The following DNAJC10 variants were observed in gnomAD, a reference collection of about 807,000 sequenced individuals.
The protein encoded by DNAJC10 is DnaJ heat shock protein family (Hsp40) member C10, also known as endoplasmic reticulum disulfide reductase DNAJC10.
A neutral mutation model predicts 115.0 loss-of-function variants in DNAJC10; 101 were observed. The observed-to-expected ratio is 0.88, with a 90% confidence interval of 0.75 to 1.04. DNAJC10 has a LOEUF of 1.04. DNAJC10 is among the 50% of genes least tolerant of loss of function. DNAJC10 has a pLI of 0.00. For synonymous variants in DNAJC10, 307 were observed against 301.5 expected (o/e 1.02, Z -0.19); for missense variants, 981 against 928.8 (o/e 1.06, Z -0.73).
chr2:182,758,575 A>G (rs1259873601), intron 19 of DNAJC10, among the ~76,000 whole-genome samples: 1 of 152,118 alleles, frequency 6.6e-6, no homozygotes, highest in Non-Finnish European at 1.5e-5. Flanking sequence ...TGAGTTTCGC[A>G]ATTCCCATAG....
At chr2:182,744,099 T>A (rs1178566049) in intron 14 of DNAJC10, among the ~76,000 whole-genome samples, 3 of 152,232 alleles carry the variant, frequency 2.0e-5, no homozygotes, top group African/African-American at 7.2e-5. Flanking sequence ...CTTCCAGACT[T>A]CTTCATTAAC....
intron 10 of DNAJC10, chr2:182,732,748 G>T: frequency 3.6e-6 from 2 of 555,438 alleles, no homozygotes; most frequent in Non-Finnish European, 6.3e-6. Flanking sequence ...TCAATTCTAA[G>T]TGTCATTTAC....
At position 182,767,219 on chromosome 2, in the gene DNAJC10, C is replaced by T. The variant is rs543749051; in HGVS notation, c.2265+4418C>T. ...CAGAGCGTACCGGTGCCCAGGTGGC[C>T]AAAATAGTAGCGTTAATAAAATGAC... On this transcript the variant is annotated intron_variant, in intron 22 of 23. Coordinates refer to ENST00000264065, the MANE Select transcript of DNAJC10 (RefSeq NM_018981.4). Among the ~76,000 whole-genome samples, 4 of 152,152 alleles carry T rather than the reference C, an allele frequency of 2.6e-5. No individual in the cohort carries two copies. In the South Asian group the frequency reaches 8.3e-4, roughly 32 times the overall value.
rs1043484364 is a variant in DNAJC10 at position 182,731,043 on chromosome 2, C to G, written c.741C>G (p.Asn247Lys). The G allele has an allele frequency of 1.9e-6, 3 of 1,612,276 alleles. No individual in the cohort carries two copies. The Admixed American group carries it at 5.0e-5, about 27-fold the overall frequency. ...VTELWTGNFV[N>K]SIQTAFAAGI... ...TTTATTTTTAAGGAAATTTTGTCAA[C>G]TCCATACAAACTGCTTTTGCTGCTG... Residue 247 changes from asparagine to lysine, a missense_variant, in exon 9 of 24, where the codon AAC becomes AAG. By Grantham distance (94) the Asn-to-Lys change is moderately conservative (BLOSUM62 0). Transcript: ENST00000264065.
chr2:182,758,697 C>A, intron 19 of DNAJC10, 140 bp from the exon 20 acceptor site: 1 of 636,146 alleles, frequency 1.6e-6, no homozygotes, highest in Non-Finnish European at 2.8e-6. Flanking sequence ...GAATTTGTAG[C>A]TAGGTATATT....
At position 182,793,083 on chromosome 2, in the gene DNAJC10, T is replaced by C. The variant is rs564291643; in HGVS notation, c.*15951T>C. 2 of 152,352 alleles carry C rather than the reference T, an allele frequency of 1.3e-5. No homozygotes were observed. The highest frequency in any genetic ancestry group is 2.1e-4 in the South Asian group (1 of 4,806). 9.4% of individuals were successfully genotyped at this position (152,352 alleles called of 1,614,324 possible). A position where few individuals can be genotyped will look rare whatever the true frequency, so the allele number is the denominator to read the frequency against. ...GGCAGGTCTCTTGGAGAAGATGCCATTGAAGGAGGTGGAAAAAATGTAGCC... is the reference window on the plus strand; with the variant it reads ...GGCAGGTCTCTTGGAGAAGATGCCACTGAAGGAGGTGGAAAAAATGTAGCC... On this transcript the variant is annotated 3_prime_UTR_variant, in exon 24 of 24. Transcript: ENST00000264065.
intron 9 of DNAJC10, among the ~76,000 whole-genome samples, chr2:182,732,213 T>G (rs968306368): frequency 4.6e-5 from 7 of 152,034 alleles, no homozygotes; most frequent in African/African-American, 1.7e-4. Flanking sequence ...GAGGAGAGAT[T>G]GAGAGTATTA....
At chr2:182,752,655 C>T (rs930574283) in intron 16 of DNAJC10, 6 of 674,888 alleles carry the variant, frequency 8.9e-6, no homozygotes, top group Non-Finnish European at 1.1e-5. Context: ...GCAGGAAGAA[C>T]TAAAAATTAT....
Position 182,718,188 on chromosome 2 carries a change from G to A in DNAJC10, c.102G>A (p.Gln34=), listed in dbSNP as rs751274336. The change falls in exon 3 of 24, where the codon CAG becomes CAA. Residue 34 remains glutamine (Q), a synonymous_variant. Coordinates refer to ENST00000264065, the MANE Select transcript of DNAJC10 (RefSeq NM_018981.4). ...VYMAILVGTD[Q]DFYSLLGVSK... ...TGGCCATTTTAGTGGGCACAGATCA[G>A]GATTTTTACAGTTTACTTGGAGTGT... The A allele has an allele frequency of 6.2e-7, 1 of 1,613,562 alleles. No homozygotes were observed. Among genetic ancestry groups the A allele is most frequent in the Non-Finnish European group, 8.5e-7 (1 of 1,179,824 alleles).
chr2:182,751,823 G>T lies in DNAJC10; in HGVS notation c.1434+38G>T, dbSNP rs148573768. The T allele has an allele frequency of 1.3e-5, 21 of 1,598,118 alleles. No individual in the cohort carries two copies. The East Asian group carries it at 3.8e-4, about 29-fold the overall frequency. On this transcript the variant is annotated intron_variant, in intron 15 of 23. Transcript: ENST00000264065. ...TATCTGTCAGATTCTAACATTGTCAGATCTTCTCCTGTTATGGCAAAAAGA... is the reference window on the plus strand; with the variant it reads ...TATCTGTCAGATTCTAACATTGTCATATCTTCTCCTGTTATGGCAAAAAGA...
chr2:182,738,315 A>T (rs1265605930), intron 11 of DNAJC10, among the ~76,000 whole-genome samples: 1 of 152,150 alleles, frequency 6.6e-6, no homozygotes, highest in East Asian at 1.9e-4. Context: ...CCTCCGGAAA[A>T]GTTGTACTAG....
intron 17 of DNAJC10, 72 bp downstream of exon 17, chr2:182,755,176 ATTGT>A (rs1694126514): frequency 1.1e-6 from 1 of 910,030 alleles, no homozygotes. Flanking sequence ...AATGTTTCAT[ATTGT>A]TTAATAGGAT....
At chr2:182,724,221 T>C (rs567472828) in intron 5 of DNAJC10, among the ~76,000 whole-genome samples, 153 of 152,324 alleles carry the variant, frequency 1.0e-3, no homozygotes, top group African/African-American at 3.4e-3. Context: ...TTTGAAAAGA[T>C]TGACTTTTTT....
At chr2:182,767,976 T>C (rs1239950790) in intron 22 of DNAJC10, among the ~76,000 whole-genome samples, 2 of 152,140 alleles carry the variant, frequency 1.3e-5, no homozygotes, top group African/African-American at 4.8e-5. Context: ...TCAAATGCCA[T>C]GTACATACGT....
intron 10 of DNAJC10, among the ~76,000 whole-genome samples, chr2:182,735,067 A>G (rs528002908): frequency 2.4e-4 from 37 of 151,288 alleles, no homozygotes; most frequent in African/African-American, 8.5e-4. Context: ...CCATCTTGTT[A>G]GTTTTATATT....
chr2:182,731,104 G>T lies in DNAJC10; in HGVS notation c.802G>T (p.Gly268Ter). Reference protein sequence around the residue: ...GWLITFCSKGGDCLTSQTRLR... With the variant: ...GWLITFCSKG ...GCTGATCACTTTTTGTTCAAAAGGA[G>T]GAGGTAATACTATTTTTTAATTTTG... Residue 268 changes from glycine (G) to a stop codon, truncating the protein, a stop_gained, in exon 9 of 24, where the codon GGA becomes TGA. Coordinates refer to ENST00000264065, the MANE Select transcript of DNAJC10 (RefSeq NM_018981.4). LOFTEE classifies it high-confidence loss of function. 2 of 1,610,784 alleles carry T rather than the reference G, an allele frequency of 1.2e-6. No individual in the cohort carries two copies. Among genetic ancestry groups the T allele is most frequent in the Non-Finnish European group, 1.7e-6 (2 of 1,177,792 alleles).
At chr2:182,741,396 C>T (rs1230660825) in intron 13 of DNAJC10, 40 bp downstream of exon 13, 5 of 1,041,466 alleles carry the variant, frequency 4.8e-6, no homozygotes, top group Non-Finnish European at 6.9e-6. Context: ...TGCTGGTGTA[C>T]TTTGTTGTTA....
chr2:182,755,772 C>T (rs1164712641), intron 17 of DNAJC10, among the ~76,000 whole-genome samples: 2 of 152,160 alleles, frequency 1.3e-5, no homozygotes, highest in Non-Finnish European at 2.9e-5. Context: ...CATTTCCAAA[C>T]CAGTCATTCT....
chr2:182,739,773 A>T (rs182771336), intron 11 of DNAJC10: 1 of 999,808 alleles, frequency 1.0e-6, no homozygotes, highest in Non-Finnish European at 1.2e-6. Flanking sequence ...AACCTCTATA[A>T]TGAGCAAAAG....
Sources: gnomAD v4.1 joint callset for allele counts (sites outside exome capture counted in the v4.1 genomes callset) on GRCh38, gnomAD v4.1.1 for gene constraint, MANE v1.5 for transcripts, NCBI Gene and HGNC (gene_info 2026-07-23, HGNC 2026-07-21) for gene names.